Variants in MYO18B observed in about 807,000 individuals in gnomAD.
MYO18B encodes the protein myosin XVIIIB, also known as unconventional myosin-XVIIIb.
In MYO18B, 204 loss-of-function variants were observed where a neutral mutation model predicts 273.0. That is an observed-to-expected ratio of 0.75 (90% CI 0.67 to 0.84). The LOEUF (loss-of-function observed/expected upper bound fraction) is 0.84. Among genes scored for constraint, MYO18B ranks in the 40% least tolerant of loss-of-function variants. The pLI, the probability that MYO18B is intolerant of heterozygous loss-of-function variation, is 0.00. For synonymous variants in MYO18B, 1,330 were observed against 1,305.7 expected, an observed-to-expected ratio of 1.02 and a Z score of -0.40; for missense variants, 3,212 against 3,287.6, an observed-to-expected ratio of 0.98 and a Z score of 0.56.
intron 29 of MYO18B, among the ~76,000 whole-genome samples, chr22:25,900,069 C>T (rs2091900847): frequency 6.6e-6 from 1 of 152,188 alleles, no homozygotes; most frequent in African/African-American, 2.4e-5. Flanking sequence ...TCTGGTCTTT[C>T]CTTTTCCCTT....
intron 1 of MYO18B, among the ~76,000 whole-genome samples, chr22:25,743,854 A>G (rs2085698896): frequency 6.6e-6 from 1 of 152,190 alleles, no homozygotes; most frequent in Non-Finnish European, 1.5e-5. Context: ...AGCATCCAGG[A>G]AGGTTTTTCT....
At position 25,994,311 on chromosome 22, in the gene MYO18B, C is replaced by G. The variant is rs937650651; in HGVS notation, c.6287+1818C>G. ...AGGAGTCTCCATCTCTACAAAAACTCCTTTTTAAAAATTAGCCAGACATGG... is the reference window on the plus strand; with the variant it reads ...AGGAGTCTCCATCTCTACAAAAACTGCTTTTTAAAAATTAGCCAGACATGG... On this transcript the variant is annotated intron_variant, in intron 40 of 43. Coordinates refer to ENST00000335473, the MANE Select transcript of MYO18B (RefSeq NM_032608.7). 2.0e-5 allele frequency among the ~76,000 whole-genome samples: 3 copies of G among 152,064 alleles called. No homozygotes were observed. In the South Asian group the frequency reaches 6.2e-4, roughly 32 times the overall value.
intron 39 of MYO18B, among the ~76,000 whole-genome samples, chr22:25,988,403 G>A (rs1193225634): frequency 1.3e-5 from 2 of 152,114 alleles, no homozygotes; most frequent in Non-Finnish European, 2.9e-5. Context: ...AGCAGATGGA[G>A]GATGGGATGC....
chr22:25,765,774 G>A (rs1442816138), intron 3 of MYO18B, among the ~76,000 whole-genome samples: 1 of 152,108 alleles, frequency 6.6e-6, no homozygotes, highest in East Asian at 1.9e-4. Flanking sequence ...ATGAGGGTGG[G>A]GTGGGAGGAG....
the MYO18B span, among the ~76,000 whole-genome samples, chr22:26,053,738 T>G: frequency 1.3e-5 from 2 of 151,724 alleles, no homozygotes; most frequent in Admixed American, 1.3e-4. Context: ...TGACATGGAG[T>G]TGAGGAAGTC....
Position 25,903,618 on chromosome 22 carries a change from T to C in MYO18B, c.4948-13T>C, listed in dbSNP as rs1196255329. Reference sequence around the variant, plus strand: ...CATGTGACTCCAGATCTCTGTCCTCTTTGTCTCTGTAGCAAAAGGAGCAGG... The same window carrying C: ...CATGTGACTCCAGATCTCTGTCCTCCTTGTCTCTGTAGCAAAAGGAGCAGG... On this transcript the variant is annotated splice_polypyrimidine_tract_variant and intron_variant, in intron 30 of 43. Coordinates refer to ENST00000335473, the MANE Select transcript of MYO18B (RefSeq NM_032608.7). 6.3e-7 allele frequency: 1 copy of C among 1,591,396 alleles called. No homozygotes were observed. Among genetic ancestry groups the C allele is most frequent in the East Asian group, 2.3e-5 (1 of 43,846 alleles).
intron 20 of MYO18B, among the ~76,000 whole-genome samples, chr22:25,848,341 C>A (rs527469390): frequency 5.3e-5 from 8 of 152,228 alleles, no homozygotes; most frequent in African/African-American, 1.9e-4. Flanking sequence ...GGGGAAAGCT[C>A]ACAGTGATGT....
intron 12 of MYO18B, among the ~76,000 whole-genome samples, chr22:25,817,246 CTT>C (rs1453671772): frequency 2.6e-5 from 4 of 151,714 alleles, no homozygotes; most frequent in East Asian, 1.9e-4. Flanking sequence ...CTTTCTCTCT[CTT>C]TCTTTCTTCT....
In MYO18B at chr22:25,847,500, T is replaced by C. The variant is rs763828840; in HGVS notation, c.3623T>C (p.Val1208Ala). 8.9e-6 allele frequency: 14 copies of C among 1,581,242 alleles called. No individual in the cohort carries two copies. The highest frequency in any genetic ancestry group is 1.1e-5 in the Non-Finnish European group (13 of 1,163,518). The change falls in exon 20 of 44, where the codon GTG becomes GCG. Residue 1208 changes from valine to alanine, a missense_variant. Transcript: ENST00000335473. ...CACTGCCTGGTACCAAACCCTGTGGTGGAAAGCAGGAGTGGGCAGGAATCT... is the reference window on the plus strand; with the variant it reads ...CACTGCCTGGTACCAAACCCTGTGGCGGAAAGCAGGAGTGGGCAGGAATCT... ...FIHCLVPNPV[V>A]ESRSGQESPP... is the part of the protein sequence containing the mutation.
At chr22:26,005,876 A>AT (rs1354470634) in intron 42 of MYO18B, among the ~76,000 whole-genome samples, 6 of 152,218 alleles carry the variant, frequency 3.9e-5, no homozygotes, top group Non-Finnish European at 8.8e-5. Flanking sequence ...GTCTGCAGAT[A>AT]ATCTTAGGCT....
Position 25,851,493 on chromosome 22 carries a change from A to C in MYO18B, c.3799A>C (p.Thr1267Pro), listed in dbSNP as rs774889930. The change falls in exon 21 of 44, where the codon ACT becomes CCT. Residue 1267 changes from threonine to proline, a missense_variant. By Grantham distance (38) the Thr-to-Pro change is conservative. Transcript: ENST00000335473. ...RTGYADHMGL[T>P]RFRRQFQVLD... Reference sequence around the variant, plus strand: ...AGGCTATGCTGACCACATGGGGCTCACTCGCTTCCGCCGGCAATTCCAGGT... The same window carrying C: ...AGGCTATGCTGACCACATGGGGCTCCCTCGCTTCCGCCGGCAATTCCAGGT... 3 of 1,557,536 alleles carry C rather than the reference A, an allele frequency of 1.9e-6. No individual in the cohort carries two copies. In the African/African-American group the frequency reaches 4.1e-5, roughly 21 times the overall value.
chr22:25,798,225 C>G, intron 12 of MYO18B, 128 bp downstream of exon 12: 1 of 1,222,040 alleles, frequency 8.2e-7, no homozygotes, highest in Non-Finnish European at 1.1e-6. Context: ...TGGGACTTCC[C>G]TTGGGGAGGC....
downstream of MYO18B, among the ~76,000 whole-genome samples, chr22:26,033,366 T>C (rs1888470858): frequency 6.6e-6 from 1 of 152,192 alleles, no homozygotes; most frequent in African/African-American, 2.4e-5. Flanking sequence ...AAAATGAATA[T>C]ACTGTCAGGA....
intron 33 of MYO18B, among the ~76,000 whole-genome samples, chr22:25,914,731 C>T (rs1045562350): frequency 2.8e-5 from 3 of 106,310 alleles, no homozygotes. Flanking sequence ...GAGTCTCGCT[C>T]TGTCGCCCAG....
At chr22:25,862,784 G>A (rs2146111902) in intron 21 of MYO18B, among the ~76,000 whole-genome samples, 1 of 150,426 alleles carries the variant, frequency 6.6e-6, no homozygotes, top group Non-Finnish European at 1.5e-5. Flanking sequence ...TCTTGGGGTG[G>A]CTTCTTTGTG....
rs1294550182 is a variant in MYO18B at position 25,952,202 on chromosome 22, A to T, written c.5833-84A>T. On this transcript the variant is annotated intron_variant, in intron 37 of 43. Transcript: ENST00000335473. Reference sequence around the variant, plus strand: ...GGAGGTGGTGTGAATAGCTCCTCCCACCCTCCCAGGCTGGGTCCTGCACAT... The same window carrying T: ...GGAGGTGGTGTGAATAGCTCCTCCCTCCCTCCCAGGCTGGGTCCTGCACAT... The T allele has an allele frequency of 2.7e-6, 4 of 1,496,450 alleles. No homozygotes were observed. In the African/African-American group the frequency reaches 5.5e-5, roughly 21 times the overall value. The allele number at this position is 1,496,450 out of a possible 1,614,324, so 92.7% of individuals were successfully genotyped here.
chr22:25,770,793 T>C, intron 5 of MYO18B, 79 bp from the exon 6 acceptor site: 2 of 1,022,640 alleles, frequency 2.0e-6, no homozygotes, highest in Non-Finnish European at 3.0e-6. Context: ...GCCTCTCTTA[T>C]CTCCTGCCCT....
At chr22:25,992,309 G>T in intron 39 of MYO18B, 54 bp from the exon 40 acceptor site, 1 of 1,604,808 alleles carries the variant, frequency 6.2e-7, no homozygotes, top group Non-Finnish European at 8.5e-7. Flanking sequence ...GTGCATGCAT[G>T]GGTGGTGCAT....
the MYO18B span, among the ~76,000 whole-genome samples, chr22:26,054,492 G>A: frequency 4.6e-5 from 7 of 152,194 alleles, no homozygotes; most frequent in South Asian, 2.1e-4. Flanking sequence ...CTCTGTGAAC[G>A]AGAACAAGCT....
Sources: allele counts gnomAD v4.1 joint callset (sites outside exome capture counted in the v4.1 genomes callset), GRCh38; gene constraint gnomAD v4.1.1; transcripts MANE v1.5; gene names NCBI Gene and HGNC (gene_info 2026-07-23, HGNC 2026-07-21).